The following MTA3 variants were observed in gnomAD, a reference collection of about 807,000 sequenced individuals.
MTA3 encodes the protein metastasis-associated protein MTA3.
In MTA3, 34 loss-of-function variants were observed where a neutral mutation model predicts 83.5. That is an observed-to-expected ratio of 0.41 (90% CI 0.31 to 0.54). The LOEUF (loss-of-function observed/expected upper bound fraction) is 0.54. Among genes scored for constraint, MTA3 ranks in the 20% least tolerant of loss-of-function variants. MTA3 has a pLI of 0.33. For synonymous variants in MTA3, 303 were observed against 252.7 expected (o/e 1.20, Z -1.89); for missense variants, 761 against 726.4 (o/e 1.05, Z -0.55).
At chr2:42,693,081 TCTCTCCCTCTCC>T (rs57650241) in intron 9 of MTA3, among the ~76,000 whole-genome samples, 4 of 150,812 alleles carry the variant, frequency 2.7e-5, no homozygotes, top group African/African-American at 4.9e-5. Context: ...AGAAACAGTG[TCTCTCCCTCTCC>T]CTCTCCCTCT....
At chr2:42,702,972 A>G (rs1665719493) in intron 11 of MTA3, 1 of 152,298 alleles carries the variant, frequency 6.6e-6, no homozygotes. Flanking sequence ...CTGCTCCCCA[A>G]AAGAAAGGGT....
intron 4 of MTA3, among the ~76,000 whole-genome samples, chr2:42,636,626 C>CTTTTTT (rs869057645): frequency 1.5e-5 from 2 of 130,084 alleles, no homozygotes; most frequent in Admixed American, 7.8e-5. Flanking sequence ...CTCTTTCTTT[C>CTTTTTT]TTTTTTTTTT....
intron 8 of MTA3, among the ~76,000 whole-genome samples, chr2:42,672,559 C>T (rs1420159239): frequency 7.1e-6 from 1 of 140,032 alleles, no homozygotes; most frequent in Non-Finnish European, 1.5e-5. Context: ...GCACGAGAAT[C>T]TCTTGAGCCT....
chr2:42,556,572 C>T (rs901873691), intron 2 of MTA3, among the ~76,000 whole-genome samples: 4 of 152,312 alleles, frequency 2.6e-5, no homozygotes, highest in Admixed American at 2.0e-4. Context: ...CCGGGAGTCA[C>T]TCCCTCCCTC....
At chr2:42,684,065 C>G (rs748363920) in intron 9 of MTA3, among the ~76,000 whole-genome samples, 37 of 152,154 alleles carry the variant, frequency 2.4e-4, no homozygotes, top group Non-Finnish European at 3.8e-4. Context: ...CATCACCTCA[C>G]TTACTTACCC....
At chr2:42,582,215 G>A (rs1032894478) in intron 3 of MTA3, among the ~76,000 whole-genome samples, 1 of 151,958 alleles carries the variant, frequency 6.6e-6, no homozygotes, top group Non-Finnish European at 1.5e-5. Context: ...CTGCCACCAC[G>A]CCCGGCTAAT....
rs968871534 is a variant in MTA3, at chr2:42,579,137, G to C, written c.127G>C (p.Val43Leu). ...AAGTGGCAACGTGGAAGCAAAAGTA[G>C]TATGCTTTTATAGACGACGTGATAT... ...TASGNVEAKV[V>L]CFYRRRDISN... Residue 43 changes from valine to leucine, a missense_variant, in exon 3 of 17, where the codon GTA becomes CTA. Transcript: ENST00000405094. The C allele has an allele frequency of 5.6e-6, 9 of 1,608,382 alleles. No homozygotes were observed. The highest frequency in any genetic ancestry group is 7.6e-6 in the Non-Finnish European group (9 of 1,177,632).
chr2:42,677,763 C>T (rs1050851638), intron 8 of MTA3, among the ~76,000 whole-genome samples: 1 of 152,184 alleles, frequency 6.6e-6, no homozygotes, highest in Non-Finnish European at 1.5e-5. Context: ...CCTCCCCAGC[C>T]ATGTGGAACT....
chr2:42,547,863 G>T (rs114736344), intron 2 of MTA3, among the ~76,000 whole-genome samples: 1 of 151,974 alleles, frequency 6.6e-6, no homozygotes, highest in Admixed American at 6.6e-5. Context: ...CTGTGGTCCT[G>T]ACTTAGCTAT....
At chr2:42,740,023 A>G (rs997700938) in intron 16 of MTA3, among the ~76,000 whole-genome samples, 12 of 152,162 alleles carry the variant, frequency 7.9e-5, no homozygotes, top group East Asian at 1.9e-4. Flanking sequence ...GTTGGAATCA[A>G]TTTCTTCTGA....
chr2:42,607,355 C>T (rs1163042751), intron 3 of MTA3, among the ~76,000 whole-genome samples: 1 of 152,116 alleles, frequency 6.6e-6, no homozygotes, highest in East Asian at 1.9e-4. Flanking sequence ...GGATCAGACT[C>T]TGGCTCAGAG....
chr2:42,621,612 G>A (rs1685549559), intron 4 of MTA3, among the ~76,000 whole-genome samples: 4 of 152,274 alleles, frequency 2.6e-5, no homozygotes, highest in South Asian at 2.1e-4. Flanking sequence ...AACCGCCATC[G>A]TCATCATGGC....
chr2:42,703,934 T>C (rs79404154), intron 11 of MTA3: 1 of 298,332 alleles, frequency 3.4e-6, no homozygotes, highest in African/African-American at 2.2e-5. Flanking sequence ...GGAAATTGTA[T>C]TCGGACCAGA....
chr2:42,612,479 G>A (rs1303778201), intron 4 of MTA3, among the ~76,000 whole-genome samples: 1 of 152,170 alleles, frequency 6.6e-6, no homozygotes, highest in Non-Finnish European at 1.5e-5. Context: ...GCCTCCCAAA[G>A]TGCTGGGATT....
intron 3 of MTA3, among the ~76,000 whole-genome samples, chr2:42,588,828 A>C (rs565678762): frequency 6.6e-6 from 1 of 152,244 alleles, no homozygotes; most frequent in East Asian, 1.9e-4. Context: ...ATGCTATATA[A>C]AATTTTCAAC....
intron 16 of MTA3, among the ~76,000 whole-genome samples, chr2:42,739,796 C>T (rs896496666): frequency 6.6e-6 from 1 of 152,198 alleles, no homozygotes; most frequent in Non-Finnish European, 1.5e-5. Context: ...TCAACATGTT[C>T]ACAGCGTGTT....
rs139650606 is a variant in MTA3, at chr2:42,616,220, C to G, written c.317+6636C>G. Among the ~76,000 whole-genome samples the G allele has an allele frequency of 3.5e-3, 528 of 152,226 alleles. 2 individuals are homozygous for G. The highest frequency in any genetic ancestry group is 0.01 in the Middle Eastern group (3 of 294). ...GATTTACAGGCATGTGCCACCACGC[C>G]TGGCTAATATTTTTGTATTTTTAGT... On this transcript the variant is annotated intron_variant, in intron 4 of 16. Transcript: ENST00000405094.
intron 2 of MTA3, among the ~76,000 whole-genome samples, chr2:42,550,467 G>C (rs1677059746): frequency 6.6e-6 from 1 of 152,146 alleles, no homozygotes; most frequent in Non-Finnish European, 1.5e-5. Flanking sequence ...CTGGGGAGGA[G>C]GTTTTGTATA....
chr2:42,638,192 T>C (rs1231294345), intron 4 of MTA3, among the ~76,000 whole-genome samples: 1 of 152,182 alleles, frequency 6.6e-6, no homozygotes, highest in African/African-American at 2.4e-5. Flanking sequence ...GAAATATTGC[T>C]TTGTCAGCTG....
Sources: allele counts gnomAD v4.1 joint callset (sites outside exome capture counted in the v4.1 genomes callset), GRCh38; gene constraint gnomAD v4.1.1; transcripts MANE v1.5; gene names NCBI Gene and HGNC (gene_info 2026-07-23, HGNC 2026-07-21).